The following DOCK5 variants were observed in gnomAD, a reference collection of about 807,000 sequenced individuals.
DOCK5 encodes dedicator of cytokinesis protein 5.
In DOCK5, 142 loss-of-function variants were observed where a neutral mutation model predicts 251.8. That is an observed-to-expected ratio of 0.56 (90% CI 0.49 to 0.65). DOCK5 has a LOEUF of 0.65. Among genes scored for constraint, DOCK5 ranks in the 30% least tolerant of loss-of-function variants. The probability of loss-of-function intolerance (pLI) is 0.00; values close to 1 mark genes in which losing one functional copy is unlikely to be tolerated. For missense variants in DOCK5, 2,111 were observed against 2,312.3 expected (o/e 0.91, Z 1.79); for synonymous variants, 842 against 835.5 (o/e 1.01, Z -0.13).
At chr8:25,193,945 G>A (rs891903504) in intron 1 of DOCK5, among the ~76,000 whole-genome samples, 3 of 151,960 alleles carry the variant, frequency 2.0e-5, no homozygotes, top group Non-Finnish European at 2.9e-5. Flanking sequence ...AGGTGAATTC[G>A]CAAATATGGA....
chr8:25,405,564 A>G (rs1801509233), intron 48 of DOCK5, among the ~76,000 whole-genome samples: 1 of 152,072 alleles, frequency 6.6e-6, no homozygotes, highest in Non-Finnish European at 1.5e-5. Flanking sequence ...ATTATTATAG[A>G]TATAAAACAT....
chr8:25,412,078 C>CTTTTTTTTTTTT lies in DOCK5; in HGVS notation c.*792_*803dup, dbSNP rs56131241. ...GAAGCTCTTCCTTTTGCACATACGG[C>CTTTTTTTTTTTT]TTTTTTTTTTTTTTTTTTTTTTTGT... is the stretch of plus-strand genomic sequence containing the variant. On this transcript the variant is annotated 3_prime_UTR_variant, in exon 52 of 52. Transcript: ENST00000276440. 1.1e-4 allele frequency: 9 copies of CTTTTTTTTTTTT among 82,846 alleles called. No homozygotes were observed. Among genetic ancestry groups the CTTTTTTTTTTTT allele is most frequent in the East Asian group, 4.6e-4 (1 of 2,156 alleles). The allele number at this position is 82,846 out of a possible 1,614,324, so 5.1% of individuals were successfully genotyped here.
intron 2 of DOCK5, among the ~76,000 whole-genome samples, chr8:25,267,637 T>G (rs908708745): frequency 2.6e-5 from 4 of 152,152 alleles, no homozygotes; most frequent in African/African-American, 9.7e-5. Flanking sequence ...AAAACTGCAG[T>G]TTCTTTTGCA....
intron 9 of DOCK5, among the ~76,000 whole-genome samples, chr8:25,301,845 G>A (rs2117167802): frequency 6.6e-6 from 1 of 152,322 alleles, no homozygotes; most frequent in South Asian, 2.1e-4. Flanking sequence ...GTCCCATAAA[G>A]CAGTGCCTGT....
Position 25,269,097 on chromosome 8 carries a change from A to T in DOCK5, c.168+212A>T, listed in dbSNP as rs150901277. Among the ~76,000 whole-genome samples the T allele has an allele frequency of 4.3e-4, 66 of 152,306 alleles. 1 individual carries two copies. Among genetic ancestry groups the T allele is most frequent in the African/African-American group, 1.6e-3 (66 of 41,568 alleles). Reference sequence around the variant, plus strand: ...CATTGACTGTATTTCCTACCAGCCAATTCAAGGAGAAAATCCTGGAAGACT... The same window carrying T: ...CATTGACTGTATTTCCTACCAGCCATTTCAAGGAGAAAATCCTGGAAGACT... On this transcript the variant is annotated intron_variant, in intron 3 of 51. Coordinates refer to ENST00000276440, the MANE Select transcript of DOCK5 (RefSeq NM_024940.8).
intron 1 of DOCK5, among the ~76,000 whole-genome samples, chr8:25,192,102 C>T (rs1035790778): frequency 6.6e-6 from 1 of 152,082 alleles, no homozygotes; most frequent in Non-Finnish European, 1.5e-5. Flanking sequence ...GACATGAACT[C>T]ATCCTTTTTT....
At chr8:25,338,828 T>A (rs1805877826) in intron 22 of DOCK5, among the ~76,000 whole-genome samples, 1 of 152,202 alleles carries the variant, frequency 6.6e-6, no homozygotes, top group South Asian at 2.1e-4. Flanking sequence ...GAGTGTGAAA[T>A]TAAAATATAT....
At chr8:25,323,704 A>ACGTGG (rs1805485559) in intron 16 of DOCK5, 144 bp from the exon 17 acceptor site, 1 of 810,910 alleles carries the variant, frequency 1.2e-6, no homozygotes, top group Non-Finnish European at 2.0e-6. Flanking sequence ...GGCACATGGT[A>ACGTGG]CGTGGCTTAT....
At chr8:25,243,484 C>T (rs1803011523) in intron 1 of DOCK5, among the ~76,000 whole-genome samples, 190 bp from the exon 2 acceptor site, 1 of 152,100 alleles carries the variant, frequency 6.6e-6, no homozygotes, top group Non-Finnish European at 1.5e-5. Context: ...GCGCCTGCCA[C>T]TACGCCCAGC....
At chr8:25,395,876 C>G in intron 45 of DOCK5, 157 bp downstream of exon 45, 1 of 960,224 alleles carries the variant, frequency 1.0e-6, no homozygotes, top group South Asian at 1.4e-5. Context: ...ACGATTGTCC[C>G]TGACTTCTTA....
At chr8:25,297,462 C>A (rs982056096) in intron 7 of DOCK5, among the ~76,000 whole-genome samples, 1 of 152,062 alleles carries the variant, frequency 6.6e-6, no homozygotes, top group Non-Finnish European at 1.5e-5. Context: ...CCATGTTGGC[C>A]AGGCTAGTCT....
At chr8:25,240,982 A>G (rs1021993049) in intron 1 of DOCK5, among the ~76,000 whole-genome samples, 6 of 152,112 alleles carry the variant, frequency 3.9e-5, no homozygotes, top group Non-Finnish European at 8.8e-5. Flanking sequence ...CTCAGCCTCC[A>G]TCTGCATGTC....
At position 25,395,704 on chromosome 8, in the gene DOCK5, C is replaced by A. The variant is rs771567968; in HGVS notation, c.4689C>A (p.Phe1563Leu). ...TGGACCCGGCCGTCATGGGGGGCTTCTCCAACTATGAAAAGGTTCGCTTGG... is the reference window on the plus strand; with the variant it reads ...TGGACCCGGCCGTCATGGGGGGCTTATCCAACTATGAAAAGGTTCGCTTGG... ...GIVDPAVMGG[F>L]SNYEKAFFTE... Residue 1563 changes from phenylalanine (F) to leucine (L), a missense_variant, in exon 45 of 52, where the codon TTC becomes TTA. Physicochemically the swap from Phe to Leu is conservative, Grantham distance 22. Transcript: ENST00000276440. 6.2e-7 allele frequency: 1 copy of A among 1,613,796 alleles called. No individual in the cohort carries two copies. The highest frequency in any genetic ancestry group is 2.2e-5 in the East Asian group (1 of 44,844).
chr8:25,238,225 A>G (rs1411446281), intron 1 of DOCK5, among the ~76,000 whole-genome samples: 2 of 152,144 alleles, frequency 1.3e-5, no homozygotes, highest in African/African-American at 4.8e-5. Flanking sequence ...CTTCACCACT[A>G]TGGACTGGCT....
chr8:25,368,757 A>G, intron 33 of DOCK5, 32 bp downstream of exon 33: 1 of 1,598,504 alleles, frequency 6.3e-7, no homozygotes, highest in East Asian at 2.2e-5. Flanking sequence ...AATATTAGTA[A>G]ATGGACATAT....
intron 11 of DOCK5, among the ~76,000 whole-genome samples, chr8:25,305,477 C>T (rs1054231691): frequency 1.5e-4 from 23 of 151,678 alleles, no homozygotes; most frequent in African/African-American, 4.8e-4. Flanking sequence ...GGAGGGAGGC[C>T]GTTTTAAAGA....
chr8:25,328,126 A>G (rs1295090167), intron 18 of DOCK5, among the ~76,000 whole-genome samples: 2 of 152,120 alleles, frequency 1.3e-5, no homozygotes, highest in South Asian at 2.1e-4. Context: ...GCAGACGGAT[A>G]TACATTTTCA....
At chr8:25,361,956 G>T (rs1378431073) in intron 28 of DOCK5, among the ~76,000 whole-genome samples, 1 of 152,138 alleles carries the variant, frequency 6.6e-6, no homozygotes, top group African/African-American at 2.4e-5. Context: ...CAGTGGAAAA[G>T]GTCTAAATTT....
At chr8:25,230,820 T>C (rs1788847965) in intron 1 of DOCK5, among the ~76,000 whole-genome samples, 1 of 152,082 alleles carries the variant, frequency 6.6e-6, no homozygotes, top group Non-Finnish European at 1.5e-5. Context: ...CACTGCACTC[T>C]AGCCTGGGTG....
Sources: allele counts gnomAD v4.1 joint callset (sites outside exome capture counted in the v4.1 genomes callset), GRCh38; gene constraint gnomAD v4.1.1; transcripts MANE v1.5; gene names NCBI Gene and HGNC (gene_info 2026-07-23, HGNC 2026-07-21).